BTBD9: variants seen among roughly 807,000 people sequenced by gnomAD.
The protein encoded by BTBD9 is BTB domain containing 9.
In BTBD9, 49 loss-of-function variants were observed where a neutral mutation model predicts 64.3. That is an observed-to-expected ratio of 0.76 (90% CI 0.61 to 0.97). The LOEUF (loss-of-function observed/expected upper bound fraction) is 0.97, where lower values mean the gene tolerates loss of function less well. Ranked by LOEUF, BTBD9 falls within the 50% of genes least tolerant of loss-of-function variation. The pLI, the probability that BTBD9 is intolerant of heterozygous loss-of-function variation, is 0.00. For missense variants in BTBD9, 598 were observed against 762.1 expected (o/e 0.78, Z 2.53); for synonymous variants, 260 against 274.7 (o/e 0.95, Z 0.53).
intron 6 of BTBD9, among the ~76,000 whole-genome samples, chr6:38,577,051 C>CTAAG (rs1776071736): frequency 1.3e-5 from 2 of 152,268 alleles, no homozygotes; most frequent in South Asian, 4.1e-4. Context: ...GCCCCACTAG[C>CTAAG]TAAGCCTCAT....
At chr6:38,461,014 GT>G (rs1770060272) in intron 6 of BTBD9, among the ~76,000 whole-genome samples, 1 of 152,148 alleles carries the variant, frequency 6.6e-6, no homozygotes, top group Non-Finnish European at 1.5e-5. Flanking sequence ...ATTAAATTTG[GT>G]TCTTCAGGAA....
At chr6:38,516,052 G>A (rs1418671297) in intron 6 of BTBD9, among the ~76,000 whole-genome samples, 3 of 152,054 alleles carry the variant, frequency 2.0e-5, no homozygotes, top group Non-Finnish European at 4.4e-5. Flanking sequence ...AGAAAATTCG[G>A]CACAATTCTT....
intron 1 of BTBD9, among the ~76,000 whole-genome samples, chr6:38,622,343 C>T (rs9380762): frequency 0.063 from 9,564 of 152,246 alleles, 716 homozygotes; most frequent in East Asian, 0.23. Flanking sequence ...AAGCCTTCCC[C>T]TGCAAGACAG....
intron 7 of BTBD9, among the ~76,000 whole-genome samples, chr6:38,305,826 T>C (rs1209183909): frequency 6.6e-6 from 1 of 152,126 alleles, no homozygotes. Context: ...GGGGGAGAAA[T>C]GTCTGCTTTA....
chr6:38,327,871 G>A (rs1367623671), intron 7 of BTBD9, among the ~76,000 whole-genome samples: 1 of 152,138 alleles, frequency 6.6e-6, no homozygotes, highest in African/African-American at 2.4e-5. Context: ...ATCATCAGGT[G>A]TATCGCCACA....
At chr6:38,443,152 A>G (rs573708429) in intron 6 of BTBD9, among the ~76,000 whole-genome samples, 1 of 152,338 alleles carries the variant, frequency 6.6e-6, no homozygotes, top group East Asian at 1.9e-4. Context: ...TTTAACAAAC[A>G]AAGCTAGAAT....
At chr6:38,569,741 C>A (rs2127464439) in intron 6 of BTBD9, among the ~76,000 whole-genome samples, 1 of 152,146 alleles carries the variant, frequency 6.6e-6, no homozygotes, top group South Asian at 2.1e-4. Flanking sequence ...GACAAACAGT[C>A]ATTTCTCAAA....
At chr6:38,587,866 AAAT>A (rs1776610568) in intron 4 of BTBD9, 3 of 723,214 alleles carry the variant, frequency 4.1e-6, no homozygotes, top group Non-Finnish European at 7.9e-6. Flanking sequence ...ATGAAATAAA[AAAT>A]AATGTTACGT....
At chr6:38,521,542 G>A (rs1164883391) in intron 6 of BTBD9, among the ~76,000 whole-genome samples, 1 of 152,140 alleles carries the variant, frequency 6.6e-6, no homozygotes, top group Non-Finnish European at 1.5e-5. Flanking sequence ...ATGCTCCATT[G>A]AGAATTTCCT....
At chr6:38,425,927 T>TAC (rs61016424) in intron 6 of BTBD9, among the ~76,000 whole-genome samples, 11,421 of 136,968 alleles carry the variant, frequency 0.083, 483 homozygotes, top group Middle Eastern at 0.18. Flanking sequence ...AAGAAACACA[T>TAC]ACACACACAC....
At chr6:38,406,203 G>A (rs1767152707) in intron 6 of BTBD9, among the ~76,000 whole-genome samples, 2 of 152,098 alleles carry the variant, frequency 1.3e-5, no homozygotes, top group Admixed American at 6.5e-5. Context: ...TAAATCTTTG[G>A]CTCCTACACA....
intron 9 of BTBD9, among the ~76,000 whole-genome samples, chr6:38,204,771 G>A (rs1366559590): frequency 6.6e-6 from 1 of 151,954 alleles, no homozygotes; most frequent in Admixed American, 6.6e-5. Flanking sequence ...ATGACCAACA[G>A]CAAATAGAGA....
At chr6:38,545,064 G>A (rs1413359378) in intron 6 of BTBD9, among the ~76,000 whole-genome samples, 1 of 151,864 alleles carries the variant, frequency 6.6e-6, no homozygotes. Context: ...CTTTTACCCT[G>A]AGATGAGGAA....
rs1775994822 is a variant in BTBD9 at position 38,575,772 on chromosome 6, C to T, written c.1154+1828G>A. ...CTTTTCTTGTTATCATTATCACTAACATCACTGTTGCTCATTTTTTTTCAA... is the reference window on the plus strand; with the variant it reads ...CTTTTCTTGTTATCATTATCACTAATATCACTGTTGCTCATTTTTTTTCAA... On this transcript the variant is annotated intron_variant, in intron 6 of 10. Coordinates refer to ENST00000481247, the MANE Select transcript of BTBD9 (RefSeq NM_001099272.2). Among the ~76,000 whole-genome samples the T allele has an allele frequency of 2.0e-5, 3 of 152,098 alleles. No individual in the cohort carries two copies. The South Asian group carries it at 6.2e-4, about 32-fold the overall frequency.
chr6:38,573,249 G>A lies in BTBD9; in HGVS notation c.1154+4351C>T, dbSNP rs114060753. Among the ~76,000 whole-genome samples, 1,215 of 152,174 alleles carry A rather than the reference G, an allele frequency of 8.0e-3. 16 individuals are homozygous for A. The highest frequency in any genetic ancestry group is 0.027 in the African/African-American group (1,129 of 41,528). On this transcript the variant is annotated intron_variant, in intron 6 of 10. Transcript: ENST00000481247. ...CATTGGTGAAGGTTCACAGAAAGGG[G>A]CATTTTTACATGCAATTGGTAGAAA...
chr6:38,544,532 G>C (rs979606558), intron 6 of BTBD9, among the ~76,000 whole-genome samples: 1 of 152,062 alleles, frequency 6.6e-6, no homozygotes, highest in Non-Finnish European at 1.5e-5. Context: ...AAGGAGGTGA[G>C]AAATGAAGCA....
chr6:38,503,719 CCTA>C (rs1326425346), intron 6 of BTBD9, among the ~76,000 whole-genome samples: 1 of 152,184 alleles, frequency 6.6e-6, no homozygotes, highest in Non-Finnish European at 1.5e-5. Flanking sequence ...TTCCTCCACT[CCTA>C]CTGCTGGCAT....
chr6:38,541,934 C>CA (rs1369083864), intron 6 of BTBD9, among the ~76,000 whole-genome samples: 1 of 152,146 alleles, frequency 6.6e-6, no homozygotes, highest in Admixed American at 6.5e-5. Context: ...AAAGATAAAA[C>CA]AGTTTTTATT....
intron 7 of BTBD9, among the ~76,000 whole-genome samples, chr6:38,333,040 T>C (rs762084587): frequency 2.6e-5 from 4 of 152,198 alleles, no homozygotes; most frequent in Admixed American, 1.3e-4. Flanking sequence ...TCTAATGGCA[T>C]GAGGTAGGTC....
Sources: gnomAD v4.1 joint callset for allele counts (sites outside exome capture counted in the v4.1 genomes callset) on GRCh38, gnomAD v4.1.1 for gene constraint, MANE v1.5 for transcripts, NCBI Gene and HGNC (gene_info 2026-07-23, HGNC 2026-07-21) for gene names.